The following ANKRD46 variants were observed in gnomAD, a reference collection of about 807,000 sequenced individuals.
ANKRD46 encodes ankyrin repeat domain-containing protein 46.
A neutral mutation model predicts 19.8 loss-of-function variants in ANKRD46; 13 were observed. The ratio of observed to expected loss-of-function variants is 0.66; its 90% CI spans 0.43 to 1.04. ANKRD46 has a LOEUF of 1.04. ANKRD46 is among the 50% of genes least tolerant of loss of function. The pLI is 0.00. For missense variants in ANKRD46, 185 were observed against 274.8 expected, an observed-to-expected ratio of 0.67 and a Z score of 2.31; for synonymous variants, 91 against 106.9, an observed-to-expected ratio of 0.85 and a Z score of 0.92.
chr8:100,516,229 T>C (rs1811628863), downstream of ANKRD46, among the ~76,000 whole-genome samples: 1 of 152,226 alleles, frequency 6.6e-6, no homozygotes, highest in Admixed American at 6.5e-5. Flanking sequence ...AATGCTAGAA[T>C]AGAACTCAGG....
At position 100,536,780 on chromosome 8, in the gene ANKRD46, C is replaced by T. The variant is rs1812072466; in HGVS notation, c.-130-3469G>A. Among the ~76,000 whole-genome samples, 1 of 152,156 alleles carries T rather than the reference C, an allele frequency of 6.6e-6. No homozygotes were observed. Among genetic ancestry groups the T allele is most frequent in the African/African-American group, 2.4e-5 (1 of 41,424 alleles). On this transcript the variant is annotated intron_variant, in intron 1 of 4. Coordinates refer to ENST00000335659, the MANE Select transcript of ANKRD46 (RefSeq NM_001270377.2). This position sits in a 1 kb window ranked among gnomAD's most constrained non-coding sequence, Gnocchi z 4.9. ...AACAGTGTCCATGAGGAACAGTGTC[C>T]ACTGACTGGTTCAGAGGCAGACTAG...
chr8:100,512,033 G>T (rs960937390), intron 5 of ANKRD46, among the ~76,000 whole-genome samples: 4 of 152,058 alleles, frequency 2.6e-5, no homozygotes, highest in African/African-American at 9.7e-5. Context: ...TTAAACAAAC[G>T]AACAAAAAGA....
rs1811727347 is a variant in ANKRD46 at position 100,521,698 on chromosome 8, G to A, written c.*857C>T. On this transcript the variant is annotated 3_prime_UTR_variant, in exon 5 of 5. Transcript: ENST00000335659. ...CAACACAGCTAGCTTATAGAACTGA[G>A]TTTTTCACTATAATAGCACTACAGA... The A allele has an allele frequency of 1.0e-6, 1 of 985,204 alleles. No homozygotes were observed. The highest frequency in any genetic ancestry group is 4.7e-5 in the South Asian group (1 of 21,282). 61.0% of individuals were successfully genotyped at this position (985,204 alleles called of 1,614,324 possible). A position where few individuals can be genotyped will look rare whatever the true frequency, so the allele number is the denominator to read the frequency against.
rs1402554465 is a variant in ANKRD46 at position 100,534,090 on chromosome 8, G to T, written c.-130-779C>A. Among the ~76,000 whole-genome samples the T allele has an allele frequency of 6.6e-6, 1 of 152,234 alleles. No individual in the cohort carries two copies. Among genetic ancestry groups the T allele is most frequent in the Non-Finnish European group, 1.5e-5 (1 of 68,040 alleles). ...CAAACATTCACTGTGTGCCTGCAATGTGCCAGATACCATGCTATCAAGTCC... is the reference window on the plus strand; with the variant it reads ...CAAACATTCACTGTGTGCCTGCAATTTGCCAGATACCATGCTATCAAGTCC... On this transcript the variant is annotated intron_variant, in intron 1 of 4. Coordinates refer to ENST00000335659, the MANE Select transcript of ANKRD46 (RefSeq NM_001270377.2). This position sits in a 1 kb window ranked among gnomAD's most constrained non-coding sequence, Gnocchi z 4.2.
Position 100,527,832 on chromosome 8 carries a change from G to T in ANKRD46, c.470+13C>A. On this transcript the variant is annotated intron_variant, in intron 4 of 4. Transcript: ENST00000335659. This position sits in a 1 kb window ranked among gnomAD's most constrained non-coding sequence, Gnocchi z 4.0. ...GTAATACAGTGAGAAAAAAAAAGTTGTATCTCCAGTACCTTTCACTCTCAG... is the reference window on the plus strand; with the variant it reads ...GTAATACAGTGAGAAAAAAAAAGTTTTATCTCCAGTACCTTTCACTCTCAG... 6.2e-7 allele frequency: 1 copy of T among 1,605,138 alleles called. No individual in the cohort carries two copies. The highest frequency in any genetic ancestry group is 1.1e-5 in the South Asian group (1 of 89,452).
chr8:100,552,151 A>T (rs1812406205), intron 1 of ANKRD46, among the ~76,000 whole-genome samples: 1 of 116,146 alleles, frequency 8.6e-6, no homozygotes, highest in Admixed American at 7.7e-5. Flanking sequence ...CTCTGTCTTA[A>T]AAAAAAAAAA....
intron 1 of ANKRD46, chr8:100,551,095 G>A (rs1188297293): frequency 3.8e-5 from 19 of 505,684 alleles, no homozygotes; most frequent in African/African-American, 3.5e-4. Context: ...ACCAGTAGAT[G>A]CAGGGATGAT....
intron 1 of ANKRD46, among the ~76,000 whole-genome samples, chr8:100,539,657 G>A (rs1356608354): frequency 6.6e-6 from 1 of 152,140 alleles, no homozygotes; most frequent in African/African-American, 2.4e-5. Context: ...ACTTTTTGAT[G>A]TCTTCAATAC....
chr8:100,516,597 A>G (rs1397716114), downstream of ANKRD46, among the ~76,000 whole-genome samples: 1 of 152,218 alleles, frequency 6.6e-6, no homozygotes, highest in Non-Finnish European at 1.5e-5. Flanking sequence ...AATAAATAGG[A>G]ATGAGGTTCT....
At chr8:100,531,643 A>AT (rs562066821) in intron 2 of ANKRD46, among the ~76,000 whole-genome samples, 18 of 151,890 alleles carry the variant, frequency 1.2e-4, no homozygotes, top group East Asian at 3.9e-4. Flanking sequence ...CCACTGAAGG[A>AT]TTTTTTTTGT....
At chr8:100,530,526 G>C (rs557428430) in intron 2 of ANKRD46, among the ~76,000 whole-genome samples, 2 of 152,200 alleles carry the variant, frequency 1.3e-5, no homozygotes, top group African/African-American at 4.8e-5. Context: ...TGGAATTACA[G>C]GTGTCTGCCA....
chr8:100,553,097 T>C (rs565010295), intron 1 of ANKRD46, among the ~76,000 whole-genome samples: 2 of 152,320 alleles, frequency 1.3e-5, no homozygotes, highest in Admixed American at 1.3e-4. Flanking sequence ...GCACAGGAGA[T>C]TGAACACTGA....
At chr8:100,526,025 A>T in intron 4 of ANKRD46, among the ~76,000 whole-genome samples, 1 of 152,194 alleles carries the variant, frequency 6.6e-6, no homozygotes, top group East Asian at 1.9e-4. Context: ...TCAACCACTG[A>T]ATTTCTACCA....
Position 100,522,165 on chromosome 8 carries a change from A to T in ANKRD46, c.*390T>A. 2.0e-6 allele frequency: 2 copies of T among 993,722 alleles called. No individual in the cohort carries two copies. Among genetic ancestry groups the T allele is most frequent in the Non-Finnish European group, 2.4e-6 (2 of 834,910 alleles). 61.6% of individuals were successfully genotyped at this position (993,722 alleles called of 1,614,324 possible). ...AAATGAAAACAAAACCACCAACAAA[A>T]ACTAATCATATAAGATACTGTTTTT... On this transcript the variant is annotated 3_prime_UTR_variant, in exon 5 of 5. Coordinates refer to ENST00000335659, the MANE Select transcript of ANKRD46 (RefSeq NM_001270377.2).
rs977340186 is a variant in ANKRD46 at position 100,544,610 on chromosome 8, C to T, written c.-130-11299G>A. ...ACTAAGTACTAGACACCAATCAAAA[C>T]GTTTGTATCTTAGGTCCTAACTCGG... On this transcript the variant is annotated intron_variant, in intron 1 of 4. Coordinates refer to ENST00000335659, the MANE Select transcript of ANKRD46 (RefSeq NM_001270377.2). This position sits in a 1 kb window ranked among gnomAD's most constrained non-coding sequence, Gnocchi z 4.4. 2.0e-5 allele frequency among the ~76,000 whole-genome samples: 3 copies of T among 152,108 alleles called. No individual in the cohort carries two copies. Among genetic ancestry groups the T allele is most frequent in the African/African-American group, 7.2e-5 (3 of 41,404 alleles).
In ANKRD46 at chr8:100,549,943, C is replaced by A. The variant is rs541763879; in HGVS notation, c.-131+9768G>T. 2.2e-4 allele frequency among the ~76,000 whole-genome samples: 33 copies of A among 152,306 alleles called. No individual in the cohort carries two copies. In the South Asian group the frequency reaches 6.8e-3, roughly 32 times the overall value. ...ATAACTGAAATCATACGGTATGCAG[C>A]TGTTTCAGATTGGCTTCTTTCCCTC... On this transcript the variant is annotated intron_variant, in intron 1 of 4. Coordinates refer to ENST00000335659, the MANE Select transcript of ANKRD46 (RefSeq NM_001270377.2).
Position 100,521,695 on chromosome 8 carries a change from T to G in ANKRD46, c.*860A>C. On this transcript the variant is annotated 3_prime_UTR_variant, in exon 5 of 5. Coordinates refer to ENST00000335659, the MANE Select transcript of ANKRD46 (RefSeq NM_001270377.2). ...TGACAACACAGCTAGCTTATAGAAC[T>G]GAGTTTTTCACTATAATAGCACTAC... 1.0e-6 allele frequency: 1 copy of G among 985,416 alleles called. No homozygotes were observed. The highest frequency in any genetic ancestry group is 1.2e-6 in the Non-Finnish European group (1 of 829,906). The allele number at this position is 985,416 out of a possible 1,614,324, so 61.0% of individuals were successfully genotyped here.
In ANKRD46 at chr8:100,537,696, GA is replaced by G. The variant is rs1380027623; in HGVS notation, c.-130-4386del. 6.6e-6 allele frequency among the ~76,000 whole-genome samples: 1 copy of G among 152,166 alleles called. No individual in the cohort carries two copies. The highest frequency in any genetic ancestry group is 1.9e-4 in the East Asian group (1 of 5,206). On this transcript the variant is annotated intron_variant, in intron 1 of 4. Transcript: ENST00000335659. The surrounding 1 kb of genome is among the most constrained non-coding windows in gnomAD (Gnocchi z 4.2). ...GCAAGGAAAAATGCCATGTTGAAAA[GA>G]AATTTAGCTGTGAGCAAGTAAGAAT... is the stretch of plus-strand genomic sequence containing the variant.
In ANKRD46 at chr8:100,527,222, A is replaced by G. The variant is rs1811858877; in HGVS notation, c.470+623T>C. Reference sequence around the variant, plus strand: ...AGCTTCGATTACTCACAGGAATCCAAATTTCATTAGCTCCAACTCATATGA... The same window carrying G: ...AGCTTCGATTACTCACAGGAATCCAGATTTCATTAGCTCCAACTCATATGA... On this transcript the variant is annotated intron_variant, in intron 4 of 4. Coordinates refer to ENST00000335659, the MANE Select transcript of ANKRD46 (RefSeq NM_001270377.2). The surrounding 1 kb of genome is among the most constrained non-coding windows in gnomAD (Gnocchi z 4.0). Among the ~76,000 whole-genome samples the G allele has an allele frequency of 6.6e-6, 1 of 152,186 alleles. No homozygotes were observed. Among genetic ancestry groups the G allele is most frequent in the Non-Finnish European group, 1.5e-5 (1 of 68,016 alleles).
Sources: gnomAD v4.1 joint callset for allele counts (sites outside exome capture counted in the v4.1 genomes callset) on GRCh38, gnomAD v4.1.1 for gene constraint, Gnocchi (gnomAD v3.1) non-coding constraint, MANE v1.5 for transcripts, NCBI Gene and HGNC (gene_info 2026-07-23, HGNC 2026-07-21) for gene names.